AFAP1: variants seen among roughly 807,000 people sequenced by gnomAD.
The protein encoded by AFAP1 is actin filament-associated protein 1.
AFAP1 carries 75 observed loss-of-function variants against 93.9 expected under a neutral mutation model. The ratio of observed to expected loss-of-function variants is 0.80; its 90% confidence interval spans 0.66 to 0.97. AFAP1 has a LOEUF of 0.97. Among genes scored for constraint, AFAP1 ranks in the 50% least tolerant of loss-of-function variants. The pLI is 0.00. For synonymous variants in AFAP1, 517 were observed against 430.7 expected (o/e 1.20, Z -2.48); for missense variants, 1,201 against 1,050.8 (o/e 1.14, Z -1.98).
At chr4:7,768,398 T>A (rs1319640892) in intron 17 of AFAP1, among the ~76,000 whole-genome samples, 1 of 152,234 alleles carries the variant, frequency 6.6e-6, no homozygotes, top group East Asian at 1.9e-4. Context: ...AGAGCCCGAT[T>A]CATGCAGCTG....
At chr4:7,873,643 C>T (rs1401896704) in intron 1 of AFAP1, among the ~76,000 whole-genome samples, 3 of 151,966 alleles carry the variant, frequency 2.0e-5, no homozygotes, top group Non-Finnish European at 2.9e-5. Context: ...CCACCACACC[C>T]GACCAACACA....
intron 1 of AFAP1, among the ~76,000 whole-genome samples, chr4:7,878,509 A>G (rs570999220): frequency 6.6e-6 from 1 of 152,338 alleles, no homozygotes; most frequent in South Asian, 2.1e-4. Flanking sequence ...AAGGTCAAGA[A>G]CAACAGGTGC....
At chr4:7,864,955 G>C (rs922306301) in intron 3 of AFAP1, among the ~76,000 whole-genome samples, 1 of 152,012 alleles carries the variant, frequency 6.6e-6, no homozygotes, top group Non-Finnish European at 1.5e-5. Context: ...TCCAGCCTGG[G>C]CAACAAAGTA....
chr4:7,924,232 C>T (rs1225643651), intron 1 of AFAP1, among the ~76,000 whole-genome samples: 1 of 152,204 alleles, frequency 6.6e-6, no homozygotes, highest in African/African-American at 2.4e-5. Flanking sequence ...AATCACTGGG[C>T]TGACCTAGCA....
rs1430866181 is a variant in AFAP1 at position 7,822,370 on chromosome 4, C to T, written c.727-3199G>A. On this transcript the variant is annotated intron_variant, in intron 6 of 17. Transcript: ENST00000420658. ...GAAGTATCCAGCCCAGTATTTCTCC[C>T]CTAACAGGCATTAAGGAAACCTGAA... Among the ~76,000 whole-genome samples the T allele has an allele frequency of 3.9e-5, 6 of 152,148 alleles. No homozygotes were observed. The East Asian group carries it at 1.2e-3, about 29-fold the overall frequency.
At chr4:7,831,542 C>G (rs1711612909) in intron 6 of AFAP1, among the ~76,000 whole-genome samples, 1 of 152,172 alleles carries the variant, frequency 6.6e-6, no homozygotes, top group Admixed American at 6.5e-5. Context: ...CGTCTGACAT[C>G]TTGAGAAAGT....
intron 1 of AFAP1, among the ~76,000 whole-genome samples, chr4:7,899,001 G>GTA (rs890349271): frequency 3.5e-5 from 5 of 141,518 alleles, no homozygotes; most frequent in African/African-American, 7.5e-5. Context: ...ATACACAAAT[G>GTA]TATATATATA....
chr4:7,918,846 A>G, intron 1 of AFAP1, among the ~76,000 whole-genome samples: 1 of 126,866 alleles, frequency 7.9e-6, no homozygotes, highest in African/African-American at 3.3e-5. Context: ...AACAGGGCTG[A>G]GACGCTCGGC....
At chr4:7,856,514 A>G (rs1715094661) in intron 3 of AFAP1, among the ~76,000 whole-genome samples, 1 of 152,150 alleles carries the variant, frequency 6.6e-6, no homozygotes, top group Non-Finnish European at 1.5e-5. Context: ...TGCTGGGATT[A>G]CAGGTGTCAG....
At chr4:7,831,319 AC>A (rs1711579093) in intron 6 of AFAP1, among the ~76,000 whole-genome samples, 1 of 152,026 alleles carries the variant, frequency 6.6e-6, no homozygotes, top group Non-Finnish European at 1.5e-5. Flanking sequence ...GAGTAACTGA[AC>A]AATTTAAACT....
chr4:7,786,086 A>G (rs1717226837), intron 12 of AFAP1, 108 bp downstream of exon 12: 1 of 1,001,338 alleles, frequency 1.0e-6, no homozygotes, highest in Non-Finnish European at 1.5e-6. Context: ...TCAGAGCATT[A>G]AAAAGCTGAC....
At chr4:7,931,546 ATTT>A (rs376570405) in intron 1 of AFAP1, among the ~76,000 whole-genome samples, 2 of 138,084 alleles carry the variant, frequency 1.4e-5, no homozygotes, top group African/African-American at 2.7e-5. Context: ...CACGCCCAGC[ATTT>A]TTTTTTTTTT....
chr4:7,869,043 G>A (rs868103027), intron 2 of AFAP1, among the ~76,000 whole-genome samples: 23 of 117,138 alleles, frequency 2.0e-4, no homozygotes, highest in African/African-American at 5.1e-4. Context: ...AGAAAGAAAA[G>A]AAAAGAGAAA....
chr4:7,834,805 G>A (rs1300948244), intron 6 of AFAP1, among the ~76,000 whole-genome samples: 3 of 152,260 alleles, frequency 2.0e-5, no homozygotes, highest in Admixed American at 6.5e-5. Context: ...AGACCCCAAC[G>A]GAATGTAACT....
At chr4:7,929,741 G>T (rs1458883738) in intron 1 of AFAP1, among the ~76,000 whole-genome samples, 1 of 152,212 alleles carries the variant, frequency 6.6e-6, no homozygotes, top group African/African-American at 2.4e-5. Flanking sequence ...ACCACACAGA[G>T]GCGGCACTCA....
chr4:7,793,810 T>C lies in AFAP1; in HGVS notation c.1283A>G (p.Asp428Gly). 6.5e-7 allele frequency: 1 copy of C among 1,546,714 alleles called. No individual in the cohort carries two copies. Among genetic ancestry groups the C allele is most frequent in the Non-Finnish European group, 8.8e-7 (1 of 1,131,240 alleles). ...TAAAATCCCAATCCACCTGCCCATG[T>C]CTTCAGAAGAAGATGCCTGTTGAAG... ...VAVLEASSSE[D>G]MGRWIGILLA... The change falls in exon 11 of 18, where the codon GAC (aspartate) becomes GGC (glycine). Residue 428 changes from aspartate to glycine, a missense_variant. Coordinates refer to ENST00000420658, the MANE Select transcript of AFAP1 (RefSeq NM_001134647.2).
chr4:7,796,694 T>C (rs1241597997), intron 10 of AFAP1, among the ~76,000 whole-genome samples: 1 of 145,014 alleles, frequency 6.9e-6, no homozygotes, highest in South Asian at 2.3e-4. Context: ...GAGCTTGCAG[T>C]GAGCTGAGAT....
At chr4:7,863,814 G>A (rs550874019) in intron 3 of AFAP1, among the ~76,000 whole-genome samples, 18 of 152,168 alleles carry the variant, frequency 1.2e-4, no homozygotes, top group Admixed American at 7.2e-4. Context: ...TATAACAAAA[G>A]GCAATATTCA....
intron 9 of AFAP1, among the ~76,000 whole-genome samples, chr4:7,808,296 A>G (rs1577235620): frequency 6.6e-6 from 1 of 152,348 alleles, no homozygotes; most frequent in South Asian, 2.1e-4. Context: ...CCATGTCTTC[A>G]TGGAGACCAC....
Sources: gnomAD v4.1 joint callset for allele counts (sites outside exome capture counted in the v4.1 genomes callset) on GRCh38, gnomAD v4.1.1 for gene constraint, MANE v1.5 for transcripts, NCBI Gene and HGNC (gene_info 2026-07-23, HGNC 2026-07-21) for gene names.